NR2F1-AS1: variants seen among roughly 807,000 people sequenced by gnomAD.
NR2F1-AS1 encodes the protein NR2F1 regulatory antisense RNA 1.
At chr5:93,427,080 T>A (rs1464700023) in intron 4 of NR2F1-AS1, among the ~76,000 whole-genome samples, 1 of 152,196 alleles carries the variant, frequency 6.6e-6, no homozygotes, top group Non-Finnish European at 1.5e-5. Context: ...TACTCTGATC[T>A]TTTTCATGTA....
At chr5:93,548,066 C>T (rs1042404519) in intron 4 of NR2F1-AS1, among the ~76,000 whole-genome samples, 1 of 152,166 alleles carries the variant, frequency 6.6e-6, no homozygotes, top group African/African-American at 2.4e-5. Context: ...TACACACTTA[C>T]TTAGAAAAGC....
At chr5:93,453,028 G>A (rs957523081) in intron 4 of NR2F1-AS1, among the ~76,000 whole-genome samples, 1 of 151,904 alleles carries the variant, frequency 6.6e-6, no homozygotes, top group Admixed American at 6.6e-5. Flanking sequence ...AGAATGACAA[G>A]AGAAGTAGAA....
chr5:93,579,235 C>T lies in NR2F1-AS1; in HGVS notation n.313+1232G>A, dbSNP rs1407677093. On this transcript the variant is annotated intron_variant and non_coding_transcript_variant, in intron 1 of 5. Transcript: ENST00000660523. The surrounding 1 kb of genome is among the most constrained non-coding windows in gnomAD (Gnocchi z 5.1). ...CCCCGTAGGAGTGCGAGCCGCTCCC[C>T]TCCTCCGAAAAGCCGCGGGCTTCCG... Among the ~76,000 whole-genome samples the T allele has an allele frequency of 2.0e-5, 3 of 152,162 alleles. No individual in the cohort carries two copies. The highest frequency in any genetic ancestry group is 7.2e-5 in the African/African-American group (3 of 41,448).
chr5:93,503,588 AAC>A (rs1751126680), intron 4 of NR2F1-AS1, among the ~76,000 whole-genome samples: 1 of 152,240 alleles, frequency 6.6e-6, no homozygotes, highest in Non-Finnish European at 1.5e-5. Context: ...ACTGTGCCTA[AAC>A]AGTTTGTACA....
At chr5:93,576,982 CTT>C (rs1168373413) in intron 1 of NR2F1-AS1, among the ~76,000 whole-genome samples, 5 of 152,108 alleles carry the variant, frequency 3.3e-5, no homozygotes, top group Admixed American at 6.5e-5. Flanking sequence ...CAATTATTTC[CTT>C]TTTTCTTTTT....
intron 4 of NR2F1-AS1, among the ~76,000 whole-genome samples, chr5:93,462,837 T>C (rs145369581): frequency 1.3e-5 from 2 of 152,312 alleles, no homozygotes; most frequent in African/African-American, 4.8e-5. Flanking sequence ...ATTTAGGGTA[T>C]CTGGCAGAAG....
intron 4 of NR2F1-AS1, among the ~76,000 whole-genome samples, chr5:93,531,110 G>T (rs1397917787): frequency 6.6e-6 from 1 of 152,112 alleles, no homozygotes; most frequent in Non-Finnish European, 1.5e-5. Flanking sequence ...ATACAGAAGA[G>T]AAGTCTGCTT....
chr5:93,440,419 C>G (rs915214771), intron 4 of NR2F1-AS1, among the ~76,000 whole-genome samples: 6 of 152,150 alleles, frequency 3.9e-5, no homozygotes, highest in Non-Finnish European at 1.5e-5. Context: ...CCATTGAAGG[C>G]CTGAATAGAA....
At chr5:93,444,045 A>G (rs1220723104) in intron 4 of NR2F1-AS1, among the ~76,000 whole-genome samples, 2 of 152,230 alleles carry the variant, frequency 1.3e-5, no homozygotes, top group African/African-American at 4.8e-5. Context: ...GAGCTCCTGA[A>G]GGAAGCACTA....
intron 2 of NR2F1-AS1, among the ~76,000 whole-genome samples, chr5:93,555,590 G>C (rs1752336482): frequency 6.6e-6 from 1 of 152,098 alleles, no homozygotes; most frequent in Non-Finnish European, 1.5e-5. Context: ...AAAGATCTTG[G>C]CAGCAGTATG....
rs568150294 is a variant in NR2F1-AS1, at chr5:93,476,733, T to C, written n.638+77028A>G. ...TTACTTCACACGAGCACAGCAGTAG[T>C]AGGTATCCCCTTGAGGAAGAAGATA... On this transcript the variant is annotated intron_variant and non_coding_transcript_variant, in intron 4 of 5. Transcript: ENST00000660523. Among the ~76,000 whole-genome samples the C allele has an allele frequency of 6.6e-5, 10 of 152,278 alleles. No individual in the cohort carries two copies. The South Asian group carries it at 2.1e-3, about 32-fold the overall frequency.
intron 4 of NR2F1-AS1, among the ~76,000 whole-genome samples, chr5:93,509,339 C>T (rs1751249358): frequency 6.6e-6 from 1 of 152,034 alleles, no homozygotes; most frequent in Non-Finnish European, 1.5e-5. Context: ...AATACAGCAG[C>T]CTCTAGCGAT....
intron 4 of NR2F1-AS1, among the ~76,000 whole-genome samples, chr5:93,471,657 T>G (rs1250868225): frequency 6.6e-6 from 1 of 151,862 alleles, no homozygotes; most frequent in Non-Finnish European, 1.5e-5. Context: ...TTTTTTACAC[T>G]GAACTAGTAT....
upstream of NR2F1-AS1, chr5:93,584,391 C>T (rs2149940859): frequency 6.7e-6 from 1 of 149,080 alleles, no homozygotes; most frequent in Non-Finnish European, 1.5e-5. Flanking sequence ...TGCGCGTAGC[C>T]CGAGCGGCCG....
chr5:93,551,634 C>T (rs947142875), intron 4 of NR2F1-AS1, among the ~76,000 whole-genome samples: 3 of 151,894 alleles, frequency 2.0e-5, no homozygotes, highest in Admixed American at 6.6e-5. Context: ...AACAAATGGG[C>T]TCCTCCTTTG....
At chr5:93,459,054 G>A (rs991897362) in intron 4 of NR2F1-AS1, among the ~76,000 whole-genome samples, 21 of 151,998 alleles carry the variant, frequency 1.4e-4, no homozygotes, top group Non-Finnish European at 2.9e-4. Flanking sequence ...ACCACAGAGT[G>A]GGAGAAAATA....
chr5:93,542,874 C>T (rs1019397961), intron 4 of NR2F1-AS1: 3 of 152,260 alleles, frequency 2.0e-5, no homozygotes, highest in African/African-American at 7.2e-5. Context: ...CCTCAAAGGG[C>T]TATACCTAGA....
At chr5:93,425,389 G>A (rs1381286399) in intron 4 of NR2F1-AS1, among the ~76,000 whole-genome samples, 1 of 152,188 alleles carries the variant, frequency 6.6e-6, no homozygotes, top group African/African-American at 2.4e-5. Flanking sequence ...AAGCCCCAGT[G>A]CATGAGTCTC....
intron 4 of NR2F1-AS1, among the ~76,000 whole-genome samples, chr5:93,450,444 C>T (rs1749801923): frequency 6.6e-6 from 1 of 152,100 alleles, no homozygotes. Context: ...ACCTGTGCCT[C>T]CAAATTGGTA....
Sources: allele counts gnomAD v4.1 joint callset (sites outside exome capture counted in the v4.1 genomes callset), GRCh38; gene constraint gnomAD v4.1.1; non-coding constraint Gnocchi (gnomAD v3.1); transcripts MANE v1.5; gene names NCBI Gene and HGNC (gene_info 2026-07-23, HGNC 2026-07-21).